Variants in HS6ST2 observed in about 807,000 individuals in gnomAD.
HS6ST2 encodes the protein heparan-sulfate 6-O-sulfotransferase 2.
In HS6ST2, 17 loss-of-function variants were observed where a neutral mutation model predicts 33.0. That is an observed-to-expected ratio of 0.52 (90% CI 0.35 to 0.77). HS6ST2 has a LOEUF of 0.77. HS6ST2 is among the 30% of genes least tolerant of loss of function. The pLI, the probability that HS6ST2 is intolerant of heterozygous loss-of-function variation, is 0.01. For missense variants in HS6ST2, 519 were observed against 551.7 expected (o/e 0.94, Z 0.59); for synonymous variants, 248 against 237.1 (o/e 1.05, Z -0.42).
At chrX:132,915,609 T>A in intron 2 of HS6ST2, among the ~76,000 whole-genome samples, 1 of 111,402 alleles carries the variant, frequency 9.0e-6, no homozygotes, top group East Asian at 2.8e-4. Context: ...ATAATGATGA[T>A]GATGATATCC....
intron 2 of HS6ST2, among the ~76,000 whole-genome samples, chrX:132,872,232 A>G (rs1017327862): frequency 1.8e-5 from 2 of 111,978 alleles, no homozygotes; most frequent in African/African-American, 3.2e-5. Flanking sequence ...CCGACTCAAG[A>G]TATCAGTTTA....
At chrX:132,673,881 T>C (rs954982314) in intron 3 of HS6ST2, among the ~76,000 whole-genome samples, 1 of 112,139 alleles carries the variant, frequency 8.9e-6, no homozygotes, top group Non-Finnish European at 1.9e-5. Flanking sequence ...ATTTCTGAAG[T>C]ATGTTTGCCC....
chrX:132,795,281 G>A (rs2065165433), intron 2 of HS6ST2, among the ~76,000 whole-genome samples: 1 of 111,671 alleles, frequency 9.0e-6, no homozygotes, highest in Non-Finnish European at 1.9e-5. Context: ...TTTGTGTCTG[G>A]CTTCTATCAA....
intron 2 of HS6ST2, among the ~76,000 whole-genome samples, chrX:132,900,174 T>C (rs886745844): frequency 7.1e-5 from 8 of 111,931 alleles, no homozygotes; most frequent in Admixed American, 6.7e-4. Context: ...CAAGTAATGA[T>C]AGTTTTATAT....
intron 3 of HS6ST2, among the ~76,000 whole-genome samples, chrX:132,698,253 G>T (rs1280459615): frequency 8.9e-6 from 1 of 112,414 alleles, no homozygotes; most frequent in African/African-American, 3.2e-5. Context: ...TGAAATGAGA[G>T]AACTAAATTA....
intron 2 of HS6ST2, among the ~76,000 whole-genome samples, chrX:132,760,961 A>G (rs1377649019): frequency 1.8e-5 from 2 of 111,827 alleles, no homozygotes; most frequent in Non-Finnish European, 3.8e-5. Context: ...CAATTACTCA[A>G]TTTGGGGTGA....
chrX:132,958,142 G>A (rs1201000848), intron 1 of HS6ST2, 33 bp downstream of exon 1: 1 of 1,092,884 alleles, frequency 9.2e-7, no homozygotes, highest in African/African-American at 1.8e-5. Flanking sequence ...CCCTGGCCTG[G>A]GAGCGCGAAC....
At chrX:132,772,755 A>T (rs1208680521) in intron 2 of HS6ST2, among the ~76,000 whole-genome samples, 3 of 93,270 alleles carry the variant, frequency 3.2e-5, no homozygotes, top group Non-Finnish European at 6.1e-5. Context: ...ATATATACTT[A>T]ATATAATATA....
At chrX:132,891,371 G>GT (rs1004715729) in intron 2 of HS6ST2, among the ~76,000 whole-genome samples, 10 of 89,700 alleles carry the variant, frequency 1.1e-4, no homozygotes, top group East Asian at 3.0e-4. Context: ...AAGAACAAAA[G>GT]TTTTTTTTAT....
At chrX:132,784,781 G>C (rs1197250618) in intron 2 of HS6ST2, among the ~76,000 whole-genome samples, 1 of 111,789 alleles carries the variant, frequency 8.9e-6, no homozygotes, top group East Asian at 2.8e-4. Context: ...CATTTGGTCG[G>C]GCTGGCACCA....
chrX:132,631,247 A>G (rs1218062011), intron 4 of HS6ST2, among the ~76,000 whole-genome samples: 1 of 112,043 alleles, frequency 8.9e-6, no homozygotes, highest in Non-Finnish European at 1.9e-5. Flanking sequence ...AATCACAGGA[A>G]GGTTTTTCTT....
At chrX:132,947,203 T>A (rs760224505) in intron 2 of HS6ST2, among the ~76,000 whole-genome samples, 1 of 109,309 alleles carries the variant, frequency 9.1e-6, no homozygotes, top group Non-Finnish European at 1.9e-5. Flanking sequence ...GGTGCAGATT[T>A]TATATATATA....
intron 3 of HS6ST2, among the ~76,000 whole-genome samples, chrX:132,671,923 T>A (rs1470600520): frequency 9.0e-6 from 1 of 111,546 alleles, no homozygotes; most frequent in Non-Finnish European, 1.9e-5. Context: ...GGAGCTTAAT[T>A]TTGTAGATGT....
At chrX:132,821,172 CTG>C (rs368158383) in intron 2 of HS6ST2, among the ~76,000 whole-genome samples, 56 of 106,095 alleles carry the variant, frequency 5.3e-4, no homozygotes, top group African/African-American at 1.8e-3. Flanking sequence ...TTTTTCCTCA[CTG>C]TAATGAAATC....
intron 2 of HS6ST2, among the ~76,000 whole-genome samples, chrX:132,946,803 A>G (rs1015074299): frequency 1.8e-5 from 2 of 112,053 alleles, no homozygotes; most frequent in Non-Finnish European, 3.8e-5. Context: ...CGTGAGAATT[A>G]AATGAGAAAA....
chrX:132,824,486 G>T (rs2065496779), intron 2 of HS6ST2, among the ~76,000 whole-genome samples: 1 of 112,516 alleles, frequency 8.9e-6, no homozygotes, highest in East Asian at 2.8e-4. Flanking sequence ...AAAGTCAGAA[G>T]AAAAAGGGTA....
intron 2 of HS6ST2, among the ~76,000 whole-genome samples, chrX:132,893,016 C>T (rs184443160): frequency 4.9e-3 from 545 of 112,108 alleles, no homozygotes; most frequent in African/African-American, 0.017. Flanking sequence ...TGTTTTATTG[C>T]TTTTTATTTG....
chrX:132,883,754 C>T (rs111617636), intron 2 of HS6ST2, among the ~76,000 whole-genome samples: 1,581 of 111,166 alleles, frequency 0.014, 39 homozygotes, highest in African/African-American at 0.05. Flanking sequence ...TCAGCAGCTC[C>T]AAATGGCTGT....
rs149330006 is a variant in HS6ST2, at chrX:132,818,290, A to G, written c.948-109796T>C. The stretch of plus-strand genomic sequence containing the variant: ...CTCTATGTTCTAAGCTTGACCCACC[A>G]CTTACTGTTTGGTTGAGTGACTTCA... On this transcript the variant is annotated intron_variant, in intron 2 of 4. Coordinates refer to ENST00000370833, the MANE Select transcript of HS6ST2 (RefSeq NM_001394073.1). Among the ~76,000 whole-genome samples the G allele has an allele frequency of 7.9e-4, 88 of 110,749 alleles. 1 individual carries two copies. Among genetic ancestry groups the G allele is most frequent in the South Asian group, 1.6e-3 (4 of 2,573 alleles).
Sources: gnomAD v4.1 joint callset for allele counts (sites outside exome capture counted in the v4.1 genomes callset) on GRCh38, gnomAD v4.1.1 for gene constraint, MANE v1.5 for transcripts, NCBI Gene and HGNC (gene_info 2026-07-23, HGNC 2026-07-21) for gene names.